The following MARK1 variants were observed in gnomAD, a reference collection of about 807,000 sequenced individuals.
MARK1 encodes the protein microtubule affinity regulating kinase 1.
A neutral mutation model predicts 96.3 loss-of-function variants in MARK1; 40 were observed. The ratio of observed to expected loss-of-function variants is 0.42; its 90% confidence interval spans 0.32 to 0.54. The LOEUF is 0.54. Ranked by LOEUF, MARK1 falls within the 20% of genes least tolerant of loss-of-function variation. MARK1 has a pLI of 0.16. For missense variants in MARK1, 719 were observed against 984.6 expected (o/e 0.73, Z 3.61); for synonymous variants, 317 against 341.2 (o/e 0.93, Z 0.78).
At chr1:220,585,468 C>T (rs1664532558) in intron 3 of MARK1, among the ~76,000 whole-genome samples, 1 of 152,106 alleles carries the variant, frequency 6.6e-6, no homozygotes, top group South Asian at 2.1e-4. Context: ...ACAAACTGTG[C>T]AGTTTAGTGA....
intron 17 of MARK1, 58 bp from the exon 18 acceptor site, chr1:220,661,754 A>G (rs1669494180): frequency 7.8e-7 from 1 of 1,289,190 alleles, no homozygotes; most frequent in African/African-American, 1.5e-5. Context: ...GTGTGTTTTG[A>G]TCTCTTTGCT....
At chr1:220,548,160 G>A (rs1003703953) in intron 1 of MARK1, among the ~76,000 whole-genome samples, 6 of 152,194 alleles carry the variant, frequency 3.9e-5, no homozygotes, top group African/African-American at 1.4e-4. Flanking sequence ...AGAATATGAG[G>A]TGATGCTATG....
In MARK1 at chr1:220,570,046, C is replaced by T. The variant is rs12037517; in HGVS notation, c.52-9308C>T. 1.2e-3 allele frequency among the ~76,000 whole-genome samples: 187 copies of T among 152,062 alleles called. No homozygotes were observed. The East Asian group carries it at 0.034, about 28-fold the overall frequency. On this transcript the variant is annotated intron_variant, in intron 1 of 17. Transcript: ENST00000366917. Reference sequence around the variant, plus strand: ...AAAAAATTTTACAAACTAGAAAAATCGAAGAGAAGTGCAAGGATGTAAGAA... The same window carrying T: ...AAAAAATTTTACAAACTAGAAAAATTGAAGAGAAGTGCAAGGATGTAAGAA...
rs184013734 is a variant in MARK1, at chr1:220,582,070, A to G, written c.309+952A>G. 2.1e-4 allele frequency among the ~76,000 whole-genome samples: 32 copies of G among 149,456 alleles called. No homozygotes were observed. The East Asian group carries it at 4.6e-3, about 22-fold the overall frequency. ...GTTAGTATGTGTGCTTACATCTGCT[A>G]TGATTATAGCATTAGATTAAAAATT... On this transcript the variant is annotated intron_variant, in intron 3 of 17. Coordinates refer to ENST00000366917, the MANE Select transcript of MARK1 (RefSeq NM_018650.5).
At chr1:220,627,013 G>A (rs1667383379) in intron 9 of MARK1, 1 of 539,408 alleles carries the variant, frequency 1.9e-6, no homozygotes, top group Non-Finnish European at 3.8e-6. Flanking sequence ...ACTTGGAATA[G>A]TTTGGACCAG....
intron 9 of MARK1, chr1:220,625,765 G>A (rs765318529): frequency 6.7e-6 from 3 of 449,822 alleles, no homozygotes; most frequent in Non-Finnish European, 1.4e-5. Context: ...GGCACCAGGA[G>A]GAAAGTCTGT....
intron 1 of MARK1, among the ~76,000 whole-genome samples, chr1:220,531,144 T>C (rs1200801235): frequency 6.6e-6 from 1 of 152,220 alleles, no homozygotes; most frequent in African/African-American, 2.4e-5. Flanking sequence ...GAAATCACCA[T>C]TGGTGACTCT....
At chr1:220,607,513 AT>A (rs905364854) in intron 6 of MARK1, among the ~76,000 whole-genome samples, 2 of 150,732 alleles carry the variant, frequency 1.3e-5, no homozygotes, top group East Asian at 1.9e-4. Context: ...AACACCCTTT[AT>A]TTTTTTTTCT....
chr1:220,545,695 C>T (rs1661446885), intron 1 of MARK1, among the ~76,000 whole-genome samples: 1 of 152,056 alleles, frequency 6.6e-6, no homozygotes, highest in Non-Finnish European at 1.5e-5. Flanking sequence ...CTATCTCTGT[C>T]TCCCAAATTG....
At chr1:220,590,465 A>G (rs1664913121) in intron 3 of MARK1, among the ~76,000 whole-genome samples, 1 of 152,030 alleles carries the variant, frequency 6.6e-6, no homozygotes, top group East Asian at 1.9e-4. Context: ...CCCTCTTTTT[A>G]GGACACCAGT....
chr1:220,647,936 T>C (rs1391517728), intron 13 of MARK1, among the ~76,000 whole-genome samples: 1 of 152,068 alleles, frequency 6.6e-6, no homozygotes, highest in South Asian at 2.1e-4. Context: ...AAATAGCTAT[T>C]GCATGCTGGG....
chr1:220,625,763 G>A (rs1195035767), intron 9 of MARK1: 4 of 448,982 alleles, frequency 8.9e-6, no homozygotes, highest in Non-Finnish European at 1.4e-5. Flanking sequence ...AGGGCACCAG[G>A]AGGAAAGTCT....
At chr1:220,562,775 G>C (rs1417051244) in intron 1 of MARK1, among the ~76,000 whole-genome samples, 1 of 152,072 alleles carries the variant, frequency 6.6e-6, no homozygotes, top group African/African-American at 2.4e-5. Context: ...ATACTTTAAA[G>C]CATCTTTAGA....
intron 4 of MARK1, among the ~76,000 whole-genome samples, 154 bp from the exon 5 acceptor site, chr1:220,599,644 T>C (rs1665608083): frequency 6.6e-6 from 1 of 152,154 alleles, no homozygotes. Context: ...ATAGGAGTAA[T>C]AATCTTTGAG....
intron 1 of MARK1, among the ~76,000 whole-genome samples, chr1:220,562,336 G>A (rs1474638451): frequency 6.6e-6 from 1 of 152,110 alleles, no homozygotes; most frequent in African/African-American, 2.4e-5. Flanking sequence ...TTAGTGTGGT[G>A]GCACACACCT....
chr1:220,538,443 A>C (rs140806579), intron 1 of MARK1, among the ~76,000 whole-genome samples: 5 of 151,760 alleles, frequency 3.3e-5, no homozygotes, highest in African/African-American at 9.7e-5. Flanking sequence ...CTATATCTCT[A>C]TTTTGGTACC....
intron 1 of MARK1, among the ~76,000 whole-genome samples, chr1:220,531,333 T>C (rs1011463361): frequency 6.6e-6 from 1 of 152,212 alleles, no homozygotes; most frequent in Non-Finnish European, 1.5e-5. Context: ...ACAAAACTTT[T>C]ATATTCATAT....
At chr1:220,587,983 T>A (rs551733632) in intron 3 of MARK1, among the ~76,000 whole-genome samples, 2 of 152,302 alleles carry the variant, frequency 1.3e-5, no homozygotes, top group East Asian at 3.9e-4. Flanking sequence ...CCAGTGTAGT[T>A]GTACCGATTT....
intron 7 of MARK1, 52 bp downstream of exon 7, chr1:220,616,047 A>G: frequency 1.2e-6 from 1 of 853,742 alleles, no homozygotes; most frequent in Non-Finnish European, 1.8e-6. Context: ...TTATTAACAT[A>G]TATTTAATAA....
Sources: allele counts gnomAD v4.1 joint callset (sites outside exome capture counted in the v4.1 genomes callset), GRCh38; gene constraint gnomAD v4.1.1; transcripts MANE v1.5; gene names NCBI Gene and HGNC (gene_info 2026-07-23, HGNC 2026-07-21).